LTF: variants seen among roughly 807,000 people sequenced by gnomAD.
LTF encodes the protein lactotransferrin, also known as epididymis luminal protein 110.
Under a neutral mutation model 87.2 loss-of-function variants are expected in LTF, and 91 were observed. The observed-to-expected ratio is 1.04, with a 90% CI of 0.88 to 1.24. LTF has a LOEUF of 1.24. Among genes scored for constraint, LTF ranks in the 50% most tolerant of loss-of-function variants. The pLI, the probability that LTF is intolerant of heterozygous loss-of-function variation, is 0.00. For missense variants in LTF, 901 were observed against 904.3 expected (o/e 1.00, Z 0.05); for synonymous variants, 378 against 356.1 (o/e 1.06, Z -0.69).
At chr3:46,465,599 CT>C (rs5848800), upstream of LTF, among the ~76,000 whole-genome samples, 9,679 of 149,450 alleles carry the variant, frequency 0.065, 406 homozygotes, top group South Asian at 0.15. Context: ...TGCCCTACCA[CT>C]TTTTTTTTTT....
At chr3:46,441,541 A>G in intron 13 of LTF, 58 bp from the exon 14 acceptor site, 1 of 1,283,278 alleles carries the variant, frequency 7.8e-7, no homozygotes, top group Non-Finnish European at 1.1e-6. Context: ...TGGGGCTTTC[A>G]TAAATATTTG....
chr3:46,450,698 G>C (rs773305895), intron 6 of LTF, 25 bp from the exon 7 acceptor site: 1 of 1,597,002 alleles, frequency 6.3e-7, no homozygotes, highest in Non-Finnish European at 8.6e-7. Flanking sequence ...AGGTGGGAGG[G>C]AGTCTAGATA....
rs780336244 is a variant in LTF, at chr3:46,455,916, C to T, written c.379G>A (p.Glu127Lys). 5.0e-6 allele frequency: 8 copies of T among 1,613,366 alleles called. No individual in the cohort carries two copies. Among genetic ancestry groups the T allele is most frequent in the South Asian group, 3.3e-5 (3 of 90,944 alleles). The change falls in exon 4 of 17, where the codon GAA (glutamate) becomes AAA (lysine). Residue 127 changes from glutamate to lysine, a missense_variant. Transcript: ENST00000231751. The part of the protein sequence containing the change: ...VKKGGSFQLN[E>K]LQGLKSCHTG... ...TGGCAGGACTTCAGACCTTGCAGTTCGTTCAGCTGAAAGCTGCCGCCCTTC... is the reference window on the plus strand; with the variant it reads ...TGGCAGGACTTCAGACCTTGCAGTTTGTTCAGCTGAAAGCTGCCGCCCTTC...
At chr3:46,470,525 G>T (rs1272893350) in intron 1 of LTF, 2 of 152,300 alleles carry the variant, frequency 1.3e-5, no homozygotes, top group African/African-American at 4.8e-5. Context: ...TGGGCGAGCA[G>T]AGGAGTGAGG....
At position 46,455,917 on chromosome 3, in the gene LTF, G is replaced by A. The variant is rs146126275; in HGVS notation, c.378C>T (p.Asn126=). Residue 126 remains asparagine (N), a synonymous_variant, in exon 4 of 17, where the codon AAC becomes AAT. Transcript: ENST00000231751. ...VVKKGGSFQL[N]ELQGLKSCHT... Reference sequence around the variant, plus strand: ...GGCAGGACTTCAGACCTTGCAGTTCGTTCAGCTGAAAGCTGCCGCCCTTCT... The same window carrying A: ...GGCAGGACTTCAGACCTTGCAGTTCATTCAGCTGAAAGCTGCCGCCCTTCT... 2.0e-5 allele frequency: 32 copies of A among 1,613,128 alleles called. No individual in the cohort carries two copies. The highest frequency in any genetic ancestry group is 6.7e-5 in the East Asian group (3 of 44,868).
chr3:46,451,939 C>A lies in LTF; in HGVS notation c.704-1266G>T, dbSNP rs1052561771. On this transcript the variant is annotated intron_variant, in intron 6 of 16. Transcript: ENST00000231751. The stretch of plus-strand genomic sequence containing the variant: ...AATGCCATTAATCTACAGCAAAAAC[C>A]TTACTAAAAGAAGAAAATGTAGACA... 9.2e-5 allele frequency among the ~76,000 whole-genome samples: 14 copies of A among 152,232 alleles called. 2 individuals carry two copies. The highest frequency in any genetic ancestry group is 7.8e-4 in the Admixed American group (12 of 15,300).
chr3:46,447,548 A>ACACCGTGTG, intron 9 of LTF, 150 bp from the exon 10 acceptor site: 1 of 657,618 alleles, frequency 1.5e-6, no homozygotes, highest in Non-Finnish European at 2.7e-6. Context: ...GCCAGAGGAA[A>ACACCGTGTG]CACCGTGTGC....
At chr3:46,464,010 C>T (rs1375900230) in intron 1 of LTF, among the ~76,000 whole-genome samples, 2 of 152,086 alleles carry the variant, frequency 1.3e-5, no homozygotes, top group South Asian at 4.1e-4. Flanking sequence ...AGGTGTGACA[C>T]CTGGGCTTTC....
intron 1 of LTF, among the ~76,000 whole-genome samples, chr3:46,473,744 G>GATT (rs1405918622): frequency 1.3e-5 from 2 of 152,154 alleles, no homozygotes; most frequent in South Asian, 2.1e-4. Flanking sequence ...GAACTGTCAT[G>GATT]ATTATACTGT....
At chr3:46,455,173 A>C in intron 5 of LTF, 122 bp downstream of exon 5, 1 of 1,184,008 alleles carries the variant, frequency 8.4e-7, no homozygotes, top group Non-Finnish European at 1.2e-6. Context: ...CAGCAGTAGG[A>C]GAACAGACCT....
At chr3:46,446,595 C>G in intron 10 of LTF, 102 bp from the exon 11 acceptor site, 1 of 985,920 alleles carries the variant, frequency 1.0e-6, no homozygotes, top group Non-Finnish European at 1.6e-6. Flanking sequence ...CCAAAGAGAC[C>G]GTCCCAGCAG....
chr3:46,438,827 G>A (rs998512826), intron 15 of LTF, among the ~76,000 whole-genome samples: 4 of 152,090 alleles, frequency 2.6e-5, no homozygotes, highest in African/African-American at 4.8e-5. Flanking sequence ...TTGGGATTTC[G>A]TTCAAATCAC....
chr3:46,475,636 T>C (rs1703351801), intron 1 of LTF, among the ~76,000 whole-genome samples: 2 of 152,076 alleles, frequency 1.3e-5, no homozygotes, highest in African/African-American at 4.8e-5. Context: ...GTGGCTCCTT[T>C]GATCCAGCTG....
intron 14 of LTF, among the ~76,000 whole-genome samples, chr3:46,441,028 A>T (rs1702503338): frequency 6.6e-6 from 1 of 152,190 alleles, no homozygotes; most frequent in South Asian, 2.1e-4. Context: ...TCATTTGCAT[A>T]TGTTCACCCA....
At position 46,443,474 on chromosome 3, in the gene LTF, T is replaced by A. The variant is rs768065454; in HGVS notation, c.1622A>T (p.Asn541Ile). The change falls in exon 13 of 17, where the codon AAC becomes ATC. Residue 541 changes from asparagine (N) to isoleucine (I), a missense_variant. Coordinates refer to ENST00000231751, the MANE Select transcript of LTF (RefSeq NM_002343.6). ...CCCAGTGTAGCCGTAGTATCTCTCGTTGCTGTTGGGCACGCACTTATTCTC... is the reference window on the plus strand; with the variant it reads ...CCCAGTGTAGCCGTAGTATCTCTCGATGCTGTTGGGCACGCACTTATTCTC... ...QGENKCVPNS[N>I]ERYYGYTGAF... 1 of 1,614,208 alleles carries A rather than the reference T, an allele frequency of 6.2e-7. No individual in the cohort carries two copies. The highest frequency in any genetic ancestry group is 1.3e-5 in the African/African-American group (1 of 75,052).
upstream of LTF, chr3:46,464,984 C>A: frequency 1.0e-6 from 1 of 996,124 alleles, no homozygotes; most frequent in African/African-American, 1.6e-5. Flanking sequence ...CTTCCCTCCC[C>A]ACTCCCCGCG....
intron 1 of LTF, among the ~76,000 whole-genome samples, chr3:46,482,719 AAAG>A (rs1176891012): frequency 1.0e-5 from 1 of 98,272 alleles, no homozygotes; most frequent in Admixed American, 1.1e-4. Context: ...AAAGAAAGAG[AAAG>A]AAAGGAAGGA....
At position 46,449,003 on chromosome 3, in the gene LTF, C is replaced by T. The variant is rs373296029; in HGVS notation, c.1072G>A (p.Ala358Thr). ...QNLRKSEEEV[A>T]ARRARVVWCA... ...CACACGACCCGCGCACGCCGGGCAG[C>T]CACTTCCTCCTCACCTGCCAGAGGG... Residue 358 changes from alanine (A) to threonine (T), a missense_variant, in exon 9 of 17, where the codon GCT (alanine) becomes ACT (threonine). By Grantham distance (58) the Ala-to-Thr change is moderately conservative (BLOSUM62 0). Coordinates refer to ENST00000231751, the MANE Select transcript of LTF (RefSeq NM_002343.6). 3.7e-6 allele frequency: 6 copies of T among 1,608,996 alleles called. No homozygotes were observed. The East Asian group carries it at 1.3e-4, about 36-fold the overall frequency.
chr3:46,438,597 C>G (rs1474260771), intron 15 of LTF, among the ~76,000 whole-genome samples: 3 of 152,178 alleles, frequency 2.0e-5, no homozygotes, highest in Non-Finnish European at 4.4e-5. Flanking sequence ...AGTTCCTGCT[C>G]TGTCCCAGGC....
Sources: allele counts gnomAD v4.1 joint callset (sites outside exome capture counted in the v4.1 genomes callset), GRCh38; gene constraint gnomAD v4.1.1; transcripts MANE v1.5; gene names NCBI Gene and HGNC (gene_info 2026-07-23, HGNC 2026-07-21).